Variants in CDH11 observed in about 807,000 individuals in gnomAD.
CDH11 encodes cadherin 11.
CDH11 carries 11 observed loss-of-function variants against 67.8 expected under a neutral mutation model. That is an observed-to-expected ratio of 0.16 (90% CI 0.10 to 0.27). The LOEUF (loss-of-function observed/expected upper bound fraction) is 0.27. CDH11 is among the 10% of genes least tolerant of loss of function. The pLI is 1.00. For missense variants in CDH11, 847 were observed against 1,031.2 expected (o/e 0.82, Z 2.45); for synonymous variants, 419 against 400.0 (o/e 1.05, Z -0.57).
chr16:65,002,151 G>C (rs76238572), intron 3 of CDH11, among the ~76,000 whole-genome samples: 2 of 152,164 alleles, frequency 1.3e-5, no homozygotes, highest in South Asian at 4.2e-4. Context: ...CTATCCAACC[G>C]GACATCAGAT....
chr16:65,094,170 A>T (rs2074843420), intron 1 of CDH11, among the ~76,000 whole-genome samples: 1 of 152,262 alleles, frequency 6.6e-6, no homozygotes, highest in Admixed American at 6.5e-5. Context: ...AAGGGAAAGT[A>T]AAAGTAAGGT....
intron 2 of CDH11, among the ~76,000 whole-genome samples, chr16:65,008,938 G>A (rs1362390614): frequency 6.6e-6 from 1 of 152,078 alleles, no homozygotes; most frequent in African/African-American, 2.4e-5. Flanking sequence ...CATGAGTTGA[G>A]TCATCAAATC....
At chr16:65,065,584 T>C (rs1350107428) in intron 1 of CDH11, among the ~76,000 whole-genome samples, 1 of 152,166 alleles carries the variant, frequency 6.6e-6, no homozygotes, top group Non-Finnish European at 1.5e-5. Context: ...TTTATCCCAT[T>C]GGTTCCCACA....
intron 4 of CDH11, among the ~76,000 whole-genome samples, chr16:64,995,195 A>T (rs991315743): frequency 6.6e-6 from 1 of 152,080 alleles, no homozygotes; most frequent in African/African-American, 2.4e-5. Context: ...TGCTATTTCT[A>T]TCAAACTAGC....
At chr16:65,041,367 G>T (rs938950815) in intron 2 of CDH11, among the ~76,000 whole-genome samples, 15 of 147,900 alleles carry the variant, frequency 1.0e-4, no homozygotes, top group Admixed American at 2.9e-4. Flanking sequence ...GCTTCCACAA[G>T]CTGTGAAGAA....
At chr16:65,057,987 C>A (rs559679234) in intron 1 of CDH11, among the ~76,000 whole-genome samples, 1 of 152,116 alleles carries the variant, frequency 6.6e-6, no homozygotes, top group East Asian at 1.9e-4. Context: ...GTAATCCCAG[C>A]AGTTTGGGAG....
At chr16:64,996,414 C>T (rs1448602541) in intron 4 of CDH11, among the ~76,000 whole-genome samples, 1 of 150,476 alleles carries the variant, frequency 6.6e-6, no homozygotes, top group Non-Finnish European at 1.5e-5. Flanking sequence ...CGTTTGAACC[C>T]AGGAGGCAGA....
chr16:64,995,406 T>C (rs1442103805), intron 4 of CDH11, among the ~76,000 whole-genome samples: 7 of 152,024 alleles, frequency 4.6e-5, no homozygotes, highest in Admixed American at 3.9e-4. Context: ...CATAGACCAG[T>C]GGAACAGAAT....
At position 64,972,925 on chromosome 16, in the gene CDH11, T is replaced by G. The variant is rs1351422133; in HGVS notation, c.1369A>C (p.Thr457Pro). 1 of 1,613,884 alleles carries G rather than the reference T, an allele frequency of 6.2e-7. No homozygotes were observed. The highest frequency in any genetic ancestry group is 2.2e-5 in the East Asian group (1 of 44,848). ...TTACGGATTTCTGCTGCAAAGACAG[T>G]GATGTTGAGCCAGGCTGTTTCCTCT... ...DREETAWLNITVFAAEIHNRH... is the reference protein window; with the variant it reads ...DREETAWLNIPVFAAEIHNRH... The change falls in exon 9 of 13, where the codon ACT becomes CCT. Residue 457 changes from threonine (T) to proline (P), a missense_variant. This residue lies in a region of CDH11 where 612 missense variants were observed against 678.7 expected (regional missense o/e 0.90). Coordinates refer to ENST00000268603, the MANE Select transcript of CDH11 (RefSeq NM_001797.4).
At chr16:65,001,631 T>C (rs528626577) in intron 3 of CDH11, among the ~76,000 whole-genome samples, 7 of 152,336 alleles carry the variant, frequency 4.6e-5, no homozygotes, top group Non-Finnish European at 1.0e-4. Flanking sequence ...TATTTCATGA[T>C]CAGCCAAATA....
rs556102748 is a variant in CDH11 at position 64,967,311 on chromosome 16, G to A, written c.1642+4268C>T. Among the ~76,000 whole-genome samples, 337 of 152,080 alleles carry A rather than the reference G, an allele frequency of 2.2e-3. 1 individual carries two copies. The highest frequency in any genetic ancestry group is 4.3e-3 in the Non-Finnish European group (290 of 67,990). On this transcript the variant is annotated intron_variant, in intron 11 of 12. Transcript: ENST00000268603. ...CAGCTCACTGCAACCTCCACCTCCCGGGTTCAAGCAATTCTCTTGCCTCAG... is the reference window on the plus strand; with the variant it reads ...CAGCTCACTGCAACCTCCACCTCCCAGGTTCAAGCAATTCTCTTGCCTCAG...
intron 11 of CDH11, among the ~76,000 whole-genome samples, chr16:64,957,387 T>G (rs568908846): frequency 6.6e-6 from 1 of 152,158 alleles, no homozygotes; most frequent in East Asian, 1.9e-4. Flanking sequence ...GACCCAAATC[T>G]GCCTACTCTA....
In CDH11 at chr16:65,087,067, C is replaced by A. The variant is rs146731226; in HGVS notation, c.-297-33139G>T. Among the ~76,000 whole-genome samples, 692 of 152,218 alleles carry A rather than the reference C, an allele frequency of 4.5e-3. 3 individuals carry two copies. The highest frequency in any genetic ancestry group is 0.016 in the African/African-American group (653 of 41,528). On this transcript the variant is annotated intron_variant, in intron 1 of 12. Coordinates refer to ENST00000268603, the MANE Select transcript of CDH11 (RefSeq NM_001797.4). The stretch of plus-strand genomic sequence containing the variant: ...GCCCTAGGCCAGCATGCCCTAGAAT[C>A]TTTTGATACAGAGCAGACTTCGGAG...
At chr16:64,958,845 G>A (rs1396283342) in intron 11 of CDH11, among the ~76,000 whole-genome samples, 1 of 151,862 alleles carries the variant, frequency 6.6e-6, no homozygotes, top group Admixed American at 6.6e-5. Context: ...AAGATTTTTT[G>A]TGGCAAAGAG....
At chr16:65,111,508 A>T (rs2075154388) in intron 1 of CDH11, among the ~76,000 whole-genome samples, 2 of 150,678 alleles carry the variant, frequency 1.3e-5, no homozygotes, top group Admixed American at 6.6e-5. Flanking sequence ...AGAAATAAAC[A>T]AATAAACTGT....
At chr16:65,105,643 C>A (rs2075054927) in intron 1 of CDH11, among the ~76,000 whole-genome samples, 1 of 152,184 alleles carries the variant, frequency 6.6e-6, no homozygotes, top group Admixed American at 6.5e-5. Flanking sequence ...AAAGGAGATG[C>A]AACAATGCAG....
chr16:64,976,805 G>A (rs1453868607), intron 8 of CDH11, among the ~76,000 whole-genome samples: 7 of 152,114 alleles, frequency 4.6e-5, no homozygotes, highest in South Asian at 2.1e-4. Context: ...CTGGGATCAC[G>A]CCACTGCACT....
intron 2 of CDH11, among the ~76,000 whole-genome samples, chr16:65,042,149 T>G (rs2073877977): frequency 6.6e-6 from 1 of 152,218 alleles, no homozygotes; most frequent in South Asian, 2.1e-4. Context: ...CTAGTATGGA[T>G]GGCGCTGCCC....
intron 5 of CDH11, 96 bp downstream of exon 5, chr16:64,992,819 T>C: frequency 1.6e-6 from 2 of 1,240,614 alleles, no homozygotes; most frequent in Non-Finnish European, 2.3e-6. Flanking sequence ...TATTCCTTTT[T>C]CATATTTGAG....
Sources: gnomAD v4.1 joint callset for allele counts (sites outside exome capture counted in the v4.1 genomes callset) on GRCh38, gnomAD v4.1.1 for gene constraint, gnomAD v4.1.1 regional missense constraint, MANE v1.5 for transcripts, NCBI Gene and HGNC (gene_info 2026-07-23, HGNC 2026-07-21) for gene names.